ACSS3: variants seen among roughly 807,000 people sequenced by gnomAD.
ACSS3 encodes acyl-CoA synthetase short-chain family member 3, mitochondrial.
ACSS3 carries 64 observed loss-of-function variants against 84.2 expected under a neutral mutation model. That is an observed-to-expected ratio of 0.76 (90% CI 0.62 to 0.94). ACSS3 has a LOEUF of 0.94. Ranked by LOEUF, ACSS3 falls within the 40% of genes least tolerant of loss-of-function variation. The pLI, the probability that ACSS3 is intolerant of heterozygous loss-of-function variation, is 0.00. For synonymous variants in ACSS3, 317 were observed against 310.1 expected, an observed-to-expected ratio of 1.02 and a Z score of -0.23; for missense variants, 815 against 867.6, an observed-to-expected ratio of 0.94 and a Z score of 0.76.
At chr12:81,119,233 A>AAAAAGGAGAACAAAGATC (rs1411093477) in intron 2 of ACSS3, among the ~76,000 whole-genome samples, 14 of 152,276 alleles carry the variant, frequency 9.2e-5, no homozygotes, top group African/African-American at 3.4e-4. Context: ...TTCAAAGGGC[A>AAAAAGGAGAACAAAGATC]AAAAGGAGAA....
At position 81,233,326 on chromosome 12, in the gene ACSS3, ATGTTATTTTT is replaced by A. The variant is rs1385616182; in HGVS notation, c.1597-21_1597-12del. 3 of 1,607,002 alleles carry A rather than the reference ATGTTATTTTT, an allele frequency of 1.9e-6. No individual in the cohort carries two copies. In the Admixed American group the frequency reaches 5.0e-5, roughly 27 times the overall value. On this transcript the variant is annotated splice_polypyrimidine_tract_variant and intron_variant, in intron 12 of 15. Transcript: ENST00000548058. ...TTAGTTAACAGTACATGCTAATCAA[ATGTTATTTTT>A]TCTTGTTTTCAGGGATATTATGATA...
At chr12:81,235,710 A>G (rs529299483) in intron 13 of ACSS3, among the ~76,000 whole-genome samples, 62 of 151,560 alleles carry the variant, frequency 4.1e-4, no homozygotes, top group Admixed American at 9.2e-4. Flanking sequence ...TGTTAAGTTT[A>G]TATTTAAGTA....
chr12:81,081,294 ACT>A (rs1239944771), intron 1 of ACSS3, among the ~76,000 whole-genome samples: 1 of 152,048 alleles, frequency 6.6e-6, no homozygotes, highest in Non-Finnish European at 1.5e-5. Context: ...GTAGTGAATG[ACT>A]CTATTAAATG....
intron 5 of ACSS3, among the ~76,000 whole-genome samples, chr12:81,144,184 C>CAT (rs74366421): frequency 0.033 from 4,947 of 152,140 alleles, 179 homozygotes; most frequent in African/African-American, 0.085. Context: ...TAAGATGTTC[C>CAT]ATATAAACCT....
intron 1 of ACSS3, among the ~76,000 whole-genome samples, chr12:81,103,121 A>G (rs1882664343): frequency 6.6e-6 from 1 of 152,198 alleles, no homozygotes. Context: ...TAATTTTATT[A>G]TTGAATAGCC....
intron 9 of ACSS3, among the ~76,000 whole-genome samples, chr12:81,213,850 C>CTT (rs2135935059): frequency 2.6e-5 from 2 of 78,230 alleles, no homozygotes; most frequent in African/African-American, 8.3e-5. Context: ...TCTCTCCTCT[C>CTT]CTCTCTTCTC....
At chr12:81,199,613 A>AAT (rs1457222478) in intron 9 of ACSS3, 169 bp downstream of exon 9, 12 of 1,494,936 alleles carry the variant, frequency 8.0e-6, no homozygotes, top group Non-Finnish European at 1.1e-5. Flanking sequence ...TGTTATTAAT[A>AAT]ATGTCTTCAT....
intron 2 of ACSS3, among the ~76,000 whole-genome samples, chr12:81,129,975 A>T (rs1479199528): frequency 1.3e-5 from 2 of 152,088 alleles, no homozygotes; most frequent in East Asian, 3.9e-4. Flanking sequence ...TTATGGCTGC[A>T]TAGTATTCCG....
At chr12:81,165,185 T>C (rs886376646) in intron 7 of ACSS3, among the ~76,000 whole-genome samples, 2 of 152,220 alleles carry the variant, frequency 1.3e-5, no homozygotes, top group Non-Finnish European at 2.9e-5. Context: ...CTATGTTTTA[T>C]GTTGGAGCTA....
chr12:81,162,724 G>C (rs1289776673), intron 7 of ACSS3, among the ~76,000 whole-genome samples: 2 of 152,016 alleles, frequency 1.3e-5, no homozygotes, highest in Non-Finnish European at 2.9e-5. Context: ...CATGCTGAGG[G>C]GCACCTGCAG....
At chr12:81,143,428 C>T in intron 5 of ACSS3, 181 bp downstream of exon 5, 1 of 435,568 alleles carries the variant, frequency 2.3e-6, no homozygotes, top group Non-Finnish European at 3.9e-6. Context: ...TCACCTGACA[C>T]AGTTACTCCA....
At chr12:81,244,482 A>G (rs899864782) in intron 13 of ACSS3, among the ~76,000 whole-genome samples, 9 of 151,824 alleles carry the variant, frequency 5.9e-5, no homozygotes, top group African/African-American at 2.2e-4. Context: ...TCCTCTCATT[A>G]CCGCTATTAT....
At chr12:81,250,057 G>T (rs2034101791) in intron 13 of ACSS3, among the ~76,000 whole-genome samples, 1 of 151,972 alleles carries the variant, frequency 6.6e-6, no homozygotes, top group Non-Finnish European at 1.5e-5. Flanking sequence ...TAAGTTCCAT[G>T]ACTTTTTTAG....
chr12:81,193,408 T>C (rs1030468660), intron 8 of ACSS3, among the ~76,000 whole-genome samples: 1 of 152,232 alleles, frequency 6.6e-6, no homozygotes, highest in South Asian at 2.1e-4. Flanking sequence ...TTTTATTCAT[T>C]TCTATTTTGG....
At chr12:81,115,387 G>A (rs1380701961) in intron 2 of ACSS3, among the ~76,000 whole-genome samples, 1 of 152,092 alleles carries the variant, frequency 6.6e-6, no homozygotes, top group Non-Finnish European at 1.5e-5. Flanking sequence ...GTATTGCATT[G>A]TGATTTAATT....
intron 2 of ACSS3, among the ~76,000 whole-genome samples, chr12:81,128,171 C>T (rs1047224434): frequency 6.6e-6 from 1 of 150,834 alleles, no homozygotes; most frequent in Non-Finnish European, 1.5e-5. Context: ...ATTATTATTC[C>T]TGTATGTGAT....
upstream of ACSS3, chr12:81,077,982 T>G (rs1880720150): frequency 9.2e-7 from 1 of 1,086,914 alleles, no homozygotes; most frequent in Non-Finnish European, 1.3e-6. Context: ...TCCCGGCGAC[T>G]CTAGTGTGGC....
At chr12:81,205,761 C>A (rs1439007648) in intron 9 of ACSS3, among the ~76,000 whole-genome samples, 1 of 151,984 alleles carries the variant, frequency 6.6e-6, no homozygotes, top group East Asian at 1.9e-4. Context: ...GCCTGCAGTT[C>A]TCTATATTTA....
At chr12:81,115,707 C>G (rs1883983219) in intron 2 of ACSS3, among the ~76,000 whole-genome samples, 1 of 152,068 alleles carries the variant, frequency 6.6e-6, no homozygotes, top group Admixed American at 6.6e-5. Context: ...GAGACATTCT[C>G]ACAATTAAAG....
Sources: allele counts gnomAD v4.1 joint callset (sites outside exome capture counted in the v4.1 genomes callset), GRCh38; gene constraint gnomAD v4.1.1; transcripts MANE v1.5; gene names NCBI Gene and HGNC (gene_info 2026-07-23, HGNC 2026-07-21).